Variants in ZBTB7C observed in about 807,000 individuals in gnomAD.
ZBTB7C encodes zinc finger and BTB domain-containing protein 7C.
ZBTB7C carries 8 observed loss-of-function variants against 25.7 expected under a neutral mutation model. The observed-to-expected ratio is 0.31, with a 90% CI of 0.18 to 0.56. The LOEUF is 0.56. Among genes scored for constraint, ZBTB7C ranks in the 20% least tolerant of loss-of-function variants. ZBTB7C has a pLI of 0.91. For missense variants in ZBTB7C, 824 were observed against 855.2 expected (o/e 0.96, Z 0.46); for synonymous variants, 394 against 369.0 (o/e 1.07, Z -0.78).
intron 1 of ZBTB7C, among the ~76,000 whole-genome samples, chr18:48,358,949 T>C (rs1363962463): frequency 6.6e-6 from 1 of 152,074 alleles, no homozygotes; most frequent in African/African-American, 2.4e-5. Flanking sequence ...CACAGGGGCC[T>C]TCCTGTTGGA....
At chr18:48,202,616 T>C (rs1484903200) in intron 2 of ZBTB7C, among the ~76,000 whole-genome samples, 1 of 152,030 alleles carries the variant, frequency 6.6e-6, no homozygotes, top group Non-Finnish European at 1.5e-5. Flanking sequence ...CCCACTGTGC[T>C]CTGCTCAGAT....
intron 2 of ZBTB7C, among the ~76,000 whole-genome samples, chr18:48,229,369 A>G (rs1460857158): frequency 6.6e-6 from 1 of 152,166 alleles, no homozygotes; most frequent in Non-Finnish European, 1.5e-5. Flanking sequence ...TTACTGTACA[A>G]TATCTTGTAA....
intron 1 of ZBTB7C, among the ~76,000 whole-genome samples, chr18:48,403,658 AAGAC>A (rs2048211885): frequency 6.6e-6 from 1 of 152,216 alleles, no homozygotes. Context: ...CTAGTGGGGA[AAGAC>A]AGACAATAAA....
chr18:48,316,693 T>G (rs1488415654), intron 2 of ZBTB7C, among the ~76,000 whole-genome samples: 2 of 152,338 alleles, frequency 1.3e-5, no homozygotes, highest in Admixed American at 6.5e-5. Context: ...AAAAGCTCCC[T>G]GAGGCCTCAC....
At chr18:48,397,467 C>T (rs1466301399) in intron 1 of ZBTB7C, among the ~76,000 whole-genome samples, 1 of 152,178 alleles carries the variant, frequency 6.6e-6, no homozygotes, top group African/African-American at 2.4e-5. Flanking sequence ...AGAGCTCTTC[C>T]ACTTCCAGAT....
chr18:48,321,897 G>A (rs1402783909), intron 2 of ZBTB7C, among the ~76,000 whole-genome samples: 1 of 152,190 alleles, frequency 6.6e-6, no homozygotes, highest in Non-Finnish European at 1.5e-5. Flanking sequence ...AGGAGGAGGT[G>A]GATGCTGATG....
At chr18:48,265,897 G>C (rs551924253) in intron 2 of ZBTB7C, among the ~76,000 whole-genome samples, 28 of 152,284 alleles carry the variant, frequency 1.8e-4, no homozygotes, top group African/African-American at 6.5e-4. Context: ...TGAGACACTT[G>C]CACAACGTAA....
intron 3 of ZBTB7C, among the ~76,000 whole-genome samples, chr18:48,129,228 G>A (rs920727523): frequency 6.6e-6 from 1 of 151,892 alleles, no homozygotes; most frequent in Non-Finnish European, 1.5e-5. Context: ...AAAGGAGAGT[G>A]GTGAAAAACC....
rs1359390713 is a variant in ZBTB7C at position 48,032,469 on chromosome 18, C to G, written c.1209-2558G>C. Among the ~76,000 whole-genome samples, 12 of 114,366 alleles carry G rather than the reference C, an allele frequency of 1.0e-4. No individual in the cohort carries two copies. In the Admixed American group the frequency reaches 1.4e-3, roughly 13 times the overall value. The allele number at this position is 114,366 out of a possible 152,430, so 75.0% of individuals were successfully genotyped here. A position where few individuals can be genotyped will look rare whatever the true frequency, so the allele number is the denominator to read the frequency against. ...TTTTTTTTTGAGACGGAGTCTCGCTCTGTCACCCAGGCTGGAGTGCAGTGG... is the reference window on the plus strand; with the variant it reads ...TTTTTTTTTGAGACGGAGTCTCGCTGTGTCACCCAGGCTGGAGTGCAGTGG... On this transcript the variant is annotated intron_variant, in intron 4 of 4. Transcript: ENST00000590800.
At chr18:48,396,853 T>C (rs1290669371) in intron 1 of ZBTB7C, among the ~76,000 whole-genome samples, 5 of 152,192 alleles carry the variant, frequency 3.3e-5, no homozygotes, top group African/African-American at 4.8e-5. Context: ...ATGGCTCTCA[T>C]AGAAGTTGAA....
chr18:48,219,943 T>A (rs1461815395), intron 2 of ZBTB7C, among the ~76,000 whole-genome samples: 1 of 152,132 alleles, frequency 6.6e-6, no homozygotes, highest in Non-Finnish European at 1.5e-5. Flanking sequence ...GAGGCCCCCA[T>A]GTGTCCTGTT....
chr18:48,350,744 T>A (rs2046845948), intron 1 of ZBTB7C, among the ~76,000 whole-genome samples: 3 of 152,224 alleles, frequency 2.0e-5, no homozygotes, highest in Admixed American at 2.0e-4. Context: ...AGAGGTTTTA[T>A]GCCTAAAGCA....
intron 2 of ZBTB7C, among the ~76,000 whole-genome samples, chr18:48,227,967 G>A (rs1237312396): frequency 1.3e-5 from 2 of 152,158 alleles, no homozygotes; most frequent in African/African-American, 4.8e-5. Context: ...CAATGCAGGT[G>A]TTTCTGCAAT....
At chr18:48,289,489 T>C (rs2144678053) in intron 2 of ZBTB7C, among the ~76,000 whole-genome samples, 1 of 151,506 alleles carries the variant, frequency 6.6e-6, no homozygotes, top group Non-Finnish European at 1.5e-5. Context: ...CTACGAAAAA[T>C]AAACACGGTA....
chr18:48,377,658 G>A (rs1382198513), intron 1 of ZBTB7C, among the ~76,000 whole-genome samples: 5 of 152,194 alleles, frequency 3.3e-5, no homozygotes, highest in African/African-American at 7.2e-5. Context: ...ACAAGAATGG[G>A]AAGAACTGGA....
intron 2 of ZBTB7C, among the ~76,000 whole-genome samples, chr18:48,304,864 G>A (rs926837434): frequency 1.2e-3 from 120 of 96,260 alleles, no homozygotes; most frequent in Non-Finnish European, 1.8e-3. Context: ...AAAAAAAAAA[G>A]ATAGCCTTGT....
chr18:48,126,703 G>T (rs1024922377), intron 3 of ZBTB7C, among the ~76,000 whole-genome samples: 4 of 152,164 alleles, frequency 2.6e-5, no homozygotes, highest in Admixed American at 6.5e-5. Context: ...CTGGGAGAAA[G>T]GGGGGAGGAC....
intron 1 of ZBTB7C, among the ~76,000 whole-genome samples, chr18:48,382,652 T>C (rs1033129880): frequency 1.3e-5 from 2 of 152,238 alleles, no homozygotes; most frequent in Non-Finnish European, 2.9e-5. Context: ...GAAACCCTAA[T>C]AGAATATAAC....
chr18:48,276,274 CT>C (rs555046633), intron 2 of ZBTB7C, among the ~76,000 whole-genome samples: 6,651 of 140,140 alleles, frequency 0.047, 207 homozygotes, highest in East Asian at 0.12. Context: ...AGCTTTCTCT[CT>C]TTTTTTTTTT....
Sources: allele counts gnomAD v4.1 joint callset (sites outside exome capture counted in the v4.1 genomes callset), GRCh38; gene constraint gnomAD v4.1.1; transcripts MANE v1.5; gene names NCBI Gene and HGNC (gene_info 2026-07-23, HGNC 2026-07-21).